Variants in AFF2 observed in about 807,000 individuals in gnomAD.
The protein encoded by AFF2 is AF4/FMR2 family member 2.
A neutral mutation model predicts 76.9 loss-of-function variants in AFF2; 14 were observed. The ratio of observed to expected loss-of-function variants is 0.18; its 90% CI spans 0.12 to 0.28. The LOEUF (loss-of-function observed/expected upper bound fraction) is 0.28. Among genes scored for constraint, AFF2 ranks in the 10% least tolerant of loss-of-function variants. The probability of loss-of-function intolerance (pLI) is 1.00; values close to 1 mark genes in which losing one functional copy is unlikely to be tolerated. For synonymous variants in AFF2, 398 were observed against 366.7 expected, an observed-to-expected ratio of 1.09 and a Z score of -0.98; for missense variants, 868 against 1,001.1, an observed-to-expected ratio of 0.87 and a Z score of 1.79.
At chrX:148,750,472 G>A (rs1262664945) in intron 3 of AFF2, among the ~76,000 whole-genome samples, 2 of 111,306 alleles carry the variant, frequency 1.8e-5, no homozygotes, top group African/African-American at 6.5e-5. Context: ...CCCTCAGCAT[G>A]AGGTATCATT....
At chrX:148,692,782 T>A (rs1344574040) in intron 3 of AFF2, among the ~76,000 whole-genome samples, 1 of 111,420 alleles carries the variant, frequency 9.0e-6, no homozygotes, top group Non-Finnish European at 1.9e-5. Flanking sequence ...CTTGAGGAAA[T>A]TGATTCTGAG....
At chrX:148,973,060 G>T (rs1380918697) in intron 15 of AFF2, among the ~76,000 whole-genome samples, 1 of 96,759 alleles carries the variant, frequency 1.0e-5, no homozygotes, top group Non-Finnish European at 2.1e-5. Context: ...GTTTTTGTCA[G>T]GTTTGTCAAA....
rs140980559 is a variant in AFF2, at chrX:148,570,931, A to G, written c.47+69787A>G. ...GTCCAAATGTCCCCTTTTTATAAGG[A>G]TACTAGTCATATTGGATTAGGGCTG... On this transcript the variant is annotated intron_variant, in intron 1 of 20. Coordinates refer to ENST00000370460, the MANE Select transcript of AFF2 (RefSeq NM_002025.4). 9.1e-3 allele frequency among the ~76,000 whole-genome samples: 1,006 copies of G among 110,803 alleles called. 13 individuals carry two copies. Among genetic ancestry groups the G allele is most frequent in the African/African-American group, 0.03 (920 of 30,426 alleles).
chrX:148,979,183 AT>A (rs1411608983), intron 18 of AFF2, among the ~76,000 whole-genome samples: 2 of 111,241 alleles, frequency 1.8e-5, no homozygotes, highest in African/African-American at 6.6e-5. Flanking sequence ...AAAGGACATG[AT>A]TTTTTTTCTT....
Position 148,953,708 on chromosome X carries a change from C to G in AFF2, c.1526C>G (p.Ser509Cys). 8.3e-7 allele frequency: 1 copy of G among 1,210,447 alleles called. No individual in the cohort carries two copies. The change falls in exon 10 of 21, where the codon TCT becomes TGT. Residue 509 changes from serine to cysteine, a missense_variant. Ser to Cys is a moderately radical substitution (Grantham distance 112). Transcript: ENST00000370460. The stretch of plus-strand genomic sequence containing the variant: ...GAAAGTAGCACCACTGACAGCGAAT[C>G]TAATGAGGCACCTCGTGTGGCAACT... ...DTESSTTDSE[S>C]NEAPRVATPE... is the part of the protein sequence containing the mutation.
At chrX:148,508,411 G>A (rs1557232759) in intron 1 of AFF2, among the ~76,000 whole-genome samples, 1 of 111,270 alleles carries the variant, frequency 9.0e-6, no homozygotes, top group Non-Finnish European at 1.9e-5. Flanking sequence ...GTTTTGTAGT[G>A]GTGCTGAAAT....
intron 4 of AFF2, among the ~76,000 whole-genome samples, chrX:148,821,749 T>C (rs2070330600): frequency 9.0e-6 from 1 of 111,450 alleles, no homozygotes; most frequent in Non-Finnish European, 1.9e-5. Context: ...TGTATGTGTG[T>C]ATGTTGGGGA....
At chrX:148,720,622 T>A (rs2055079888) in intron 3 of AFF2, among the ~76,000 whole-genome samples, 1 of 110,972 alleles carries the variant, frequency 9.0e-6, no homozygotes, top group South Asian at 3.8e-4. Context: ...AATGTTGCCA[T>A]CAGTTACTCC....
intron 3 of AFF2, among the ~76,000 whole-genome samples, chrX:148,780,393 G>A (rs191234108): frequency 2.9e-4 from 32 of 111,746 alleles, no homozygotes; most frequent in Admixed American, 2.7e-3. Flanking sequence ...TCAATCAAAC[G>A]TCCGTTTGGT....
At chrX:148,815,833 A>T (rs2124645302) in intron 4 of AFF2, among the ~76,000 whole-genome samples, 1 of 111,779 alleles carries the variant, frequency 8.9e-6, no homozygotes, top group African/African-American at 3.2e-5. Context: ...AATGAGCAAG[A>T]GTAGCCCCTT....
intron 3 of AFF2, chrX:148,719,055 C>T: frequency 9.4e-7 from 1 of 1,058,208 alleles, no homozygotes; most frequent in South Asian, 2.8e-5. Context: ...ATGGTGATTC[C>T]ACAACAGTTT....
Position 148,997,290 on chromosome X carries a change from C to CACAG in AFF2, c.*5961_*5962insGACA, listed in dbSNP as rs1557293428. 9.3e-6 allele frequency: 1 copy of CACAG among 107,739 alleles called. No homozygotes were observed. The highest frequency in any genetic ancestry group is 3.7e-5 in the African/African-American group (1 of 27,221). 8.9% of individuals were successfully genotyped at this position (107,739 alleles called of 1,213,427 possible). A position where few individuals can be genotyped will look rare whatever the true frequency, so the allele number is the denominator to read the frequency against. Reference sequence around the variant, plus strand: ...TAATGAGGCTTTCATTAAATACACACACACACACACTCACACACACACACA... The same window carrying CACAG: ...TAATGAGGCTTTCATTAAATACACACACAGACACACACACTCACACACACACACA... On this transcript the variant is annotated 3_prime_UTR_variant, in exon 21 of 21. Coordinates refer to ENST00000370460, the MANE Select transcript of AFF2 (RefSeq NM_002025.4).
intron 16 of AFF2, 54 bp downstream of exon 16, chrX:148,973,661 A>C: frequency 9.0e-7 from 1 of 1,107,146 alleles, no homozygotes. Flanking sequence ...TAGAATTAGA[A>C]GCTATGTTTT....
At chrX:148,507,918 A>G (rs5980539) in intron 1 of AFF2, among the ~76,000 whole-genome samples, 21,403 of 111,551 alleles carry the variant, frequency 0.19, 1,715 homozygotes, top group Non-Finnish European at 0.25. Flanking sequence ...TGGATTGCTT[A>G]CTTTATGGGA....
At chrX:148,538,131 T>C (rs1174309980) in intron 1 of AFF2, among the ~76,000 whole-genome samples, 1 of 112,838 alleles carries the variant, frequency 8.9e-6, no homozygotes, top group East Asian at 2.8e-4. Flanking sequence ...TTTGACTGAA[T>C]TCAAGAAAAT....
At chrX:148,582,866 C>T (rs782257398) in intron 1 of AFF2, among the ~76,000 whole-genome samples, 1 of 111,903 alleles carries the variant, frequency 8.9e-6, no homozygotes, top group South Asian at 3.7e-4. Flanking sequence ...GGTGAGTTCA[C>T]AAACAAAATG....
At position 148,718,708 on chromosome X, in the gene AFF2, T is replaced by A. The variant is rs187340304; in HGVS notation, c.1041+55940T>A. On this transcript the variant is annotated intron_variant, in intron 3 of 20. Coordinates refer to ENST00000370460, the MANE Select transcript of AFF2 (RefSeq NM_002025.4). Reference sequence around the variant, plus strand: ...TGTTTGCATATTTATAATTTTTTTTTATTTTATGATAGTACACATGTGGAG... The same window carrying A: ...TGTTTGCATATTTATAATTTTTTTTAATTTTATGATAGTACACATGTGGAG... Among the ~76,000 whole-genome samples, 324 of 111,710 alleles carry A rather than the reference T, an allele frequency of 2.9e-3. 1 individual carries two copies. Among genetic ancestry groups the A allele is most frequent in the Middle Eastern group, 9.2e-3 (2 of 217 alleles).
At chrX:148,910,095 A>G (rs1350469443) in intron 9 of AFF2, among the ~76,000 whole-genome samples, 1 of 112,611 alleles carries the variant, frequency 8.9e-6, no homozygotes, top group Non-Finnish European at 1.9e-5. Flanking sequence ...GCATGCACAC[A>G]CTGTTGTCAA....
chrX:148,510,475 A>T (rs944224725), intron 1 of AFF2, among the ~76,000 whole-genome samples: 2 of 111,787 alleles, frequency 1.8e-5, no homozygotes, highest in South Asian at 7.5e-4. Flanking sequence ...ACCCTAGGAT[A>T]GATGCTATAC....
Sources: allele counts gnomAD v4.1 joint callset (sites outside exome capture counted in the v4.1 genomes callset), GRCh38; gene constraint gnomAD v4.1.1; transcripts MANE v1.5; gene names NCBI Gene and HGNC (gene_info 2026-07-23, HGNC 2026-07-21).